Variants in ESRRG observed in about 807,000 individuals in gnomAD.
The protein encoded by ESRRG is estrogen-related receptor gamma.
Under a neutral mutation model 44.0 loss-of-function variants are expected in ESRRG, and 13 were observed. That is an observed-to-expected ratio of 0.30 (90% confidence interval 0.19 to 0.47). The LOEUF (loss-of-function observed/expected upper bound fraction) is 0.47. Ranked by LOEUF, ESRRG falls within the 20% of genes least tolerant of loss-of-function variation. The pLI is 1.00. For synonymous variants in ESRRG, 215 were observed against 214.6 expected, an observed-to-expected ratio of 1.00 and a Z score of -0.02; for missense variants, 395 against 580.6, an observed-to-expected ratio of 0.68 and a Z score of 3.29.
chr1:216,803,604 TC>T (rs564981966), intron 2 of ESRRG, among the ~76,000 whole-genome samples: 28 of 152,240 alleles, frequency 1.8e-4, no homozygotes, highest in Middle Eastern at 3.4e-3. Context: ...AGGACATTCC[TC>T]TTACATTTTG....
intron 3 of ESRRG, among the ~76,000 whole-genome samples, chr1:216,598,047 G>A (rs1266322505): frequency 1.3e-5 from 2 of 152,018 alleles, no homozygotes; most frequent in South Asian, 2.1e-4. Flanking sequence ...TTTATTAAAT[G>A]TATATTGTGG....
chr1:216,854,677 T>C (rs1334712169), intron 2 of ESRRG, among the ~76,000 whole-genome samples: 1 of 152,168 alleles, frequency 6.6e-6, no homozygotes, highest in Non-Finnish European at 1.5e-5. Context: ...GGCTATACAA[T>C]AGTCTTGGCT....
intron 1 of ESRRG, among the ~76,000 whole-genome samples, chr1:216,962,368 CA>C (rs1233151666): frequency 6.6e-6 from 1 of 152,110 alleles, no homozygotes; most frequent in Non-Finnish European, 1.5e-5. Context: ...GTCTTCATTC[CA>C]AGAAGACAGG....
intron 1 of ESRRG, among the ~76,000 whole-genome samples, chr1:216,679,701 T>C (rs1037227741): frequency 1.3e-5 from 2 of 151,590 alleles, no homozygotes; most frequent in Non-Finnish European, 2.9e-5. Context: ...CTTTTTAAAT[T>C]TTTTTTCCCT....
At chr1:217,053,436 C>G (rs557421716) in intron 1 of ESRRG, among the ~76,000 whole-genome samples, 1 of 136,774 alleles carries the variant, frequency 7.3e-6, no homozygotes, top group East Asian at 2.2e-4. Flanking sequence ...GCCTGGGCAA[C>G]AGAGTGAGAT....
intron 1 of ESRRG, among the ~76,000 whole-genome samples, chr1:217,020,832 A>G (rs2080187056): frequency 6.6e-6 from 1 of 152,198 alleles, no homozygotes. Flanking sequence ...AAATGTAAAT[A>G]AATTACTGAG....
intron 2 of ESRRG, among the ~76,000 whole-genome samples, chr1:216,751,101 A>G (rs1288023288): frequency 6.6e-6 from 1 of 152,132 alleles, no homozygotes; most frequent in Non-Finnish European, 1.5e-5. Flanking sequence ...GGAGTTGGGA[A>G]TTTTGGCATG....
At chr1:216,948,469 TCC>T (rs2066424359) in intron 1 of ESRRG, among the ~76,000 whole-genome samples, 1 of 68,284 alleles carries the variant, frequency 1.5e-5, no homozygotes, top group Non-Finnish European at 2.5e-5. Flanking sequence ...AGAGCAAGAC[TCC>T]ATCTCAAAAA....
chr1:217,057,901 T>C (rs1268397614), intron 1 of ESRRG, among the ~76,000 whole-genome samples: 1 of 152,118 alleles, frequency 6.6e-6, no homozygotes, highest in Non-Finnish European at 1.5e-5. Flanking sequence ...TCTTCCAACG[T>C]GGCCCAGGGA....
chr1:216,692,720 T>A (rs1438339212), intron 1 of ESRRG, among the ~76,000 whole-genome samples: 1 of 152,206 alleles, frequency 6.6e-6, no homozygotes, highest in African/African-American at 2.4e-5. Context: ...CCAGTCATGC[T>A]CAGTGTCCTC....
intron 1 of ESRRG, among the ~76,000 whole-genome samples, chr1:217,123,219 G>A (rs570954806): frequency 8.3e-4 from 127 of 152,174 alleles, no homozygotes; most frequent in African/African-American, 3.0e-3. Flanking sequence ...AAAAGGAATA[G>A]ATGATATACC....
chr1:216,904,854 T>C (rs181328220), intron 2 of ESRRG, among the ~76,000 whole-genome samples: 102 of 152,246 alleles, frequency 6.7e-4, no homozygotes, highest in African/African-American at 2.3e-3. Context: ...TGAACAGTGA[T>C]AAGAAGAATG....
intron 3 of ESRRG, among the ~76,000 whole-genome samples, chr1:216,640,067 A>G (rs980550372): frequency 6.6e-6 from 1 of 152,224 alleles, no homozygotes; most frequent in African/African-American, 2.4e-5. Context: ...TAATCAGCTG[A>G]AATCCATCAC....
chr1:216,744,981 G>A (rs1202836236), intron 2 of ESRRG, among the ~76,000 whole-genome samples: 1 of 152,174 alleles, frequency 6.6e-6, no homozygotes, highest in South Asian at 2.1e-4. Context: ...AGAAAACAGA[G>A]TCTAAAGTTC....
At chr1:216,635,617 C>T (rs2065136001) in intron 3 of ESRRG, among the ~76,000 whole-genome samples, 1 of 152,064 alleles carries the variant, frequency 6.6e-6, no homozygotes, top group African/African-American at 2.4e-5. Flanking sequence ...GTTTCTGGTC[C>T]ATGACAGACT....
chr1:216,520,104 A>G (rs2045636704), intron 5 of ESRRG, among the ~76,000 whole-genome samples: 1 of 152,150 alleles, frequency 6.6e-6, no homozygotes, highest in African/African-American at 2.4e-5. Flanking sequence ...CTCGTTCACT[A>G]TTGTTATTAA....
At chr1:216,739,021 T>C (rs965705184) in intron 2 of ESRRG, among the ~76,000 whole-genome samples, 1 of 152,044 alleles carries the variant, frequency 6.6e-6, no homozygotes, top group Admixed American at 6.6e-5. Context: ...CAGCCCCTAC[T>C]TATCCTTAAT....
chr1:217,012,792 A>G (rs886434801), intron 1 of ESRRG, among the ~76,000 whole-genome samples: 1 of 152,158 alleles, frequency 6.6e-6, no homozygotes, highest in African/African-American at 2.4e-5. Context: ...TTACTGTATT[A>G]TATCCTCAGG....
At chr1:217,046,005 T>C (rs570680379) in intron 1 of ESRRG, among the ~76,000 whole-genome samples, 1 of 152,182 alleles carries the variant, frequency 6.6e-6, no homozygotes, top group South Asian at 2.1e-4. Context: ...TTCTGCTAAA[T>C]GACAAGAGGA....
Sources: gnomAD v4.1 joint callset for allele counts (sites outside exome capture counted in the v4.1 genomes callset) on GRCh38, gnomAD v4.1.1 for gene constraint, MANE v1.5 for transcripts, NCBI Gene and HGNC (gene_info 2026-07-23, HGNC 2026-07-21) for gene names.